Variants in NMRAL1 observed in about 807,000 individuals in gnomAD.
NMRAL1 encodes NmrA like redox sensor 1, also known as nmrA-like family domain-containing protein 1.
NMRAL1 carries 32 observed loss-of-function variants against 27.5 expected under a neutral mutation model. The ratio of observed to expected loss-of-function variants is 1.16; its 90% CI spans 0.88 to 1.56. The LOEUF is 1.56. Ranked by LOEUF, NMRAL1 falls within the 40% of genes most tolerant of loss-of-function variation. NMRAL1 has a pLI of 0.00. For synonymous variants in NMRAL1, 166 were observed against 166.8 expected (o/e 1.00, Z 0.04); for missense variants, 420 against 392.0 (o/e 1.07, Z -0.60).
chr16:4,466,651 C>T (rs1567352237), intron 3 of NMRAL1: 3 of 527,276 alleles, frequency 5.7e-6, no homozygotes, highest in Admixed American at 6.4e-5. Flanking sequence ...GACGGGGGGG[C>T]AGGTCGGCTG....
intron 1 of NMRAL1, 94 bp from the exon 2 acceptor site, chr16:4,474,260 T>G (rs552428771): frequency 2.3e-6 from 2 of 877,638 alleles, no homozygotes; most frequent in South Asian, 1.6e-5. Context: ...ATCGAGTATG[T>G]GTCGAAGGGG....
chr16:4,468,991 A>G (rs1276689696), intron 3 of NMRAL1, among the ~76,000 whole-genome samples: 1 of 151,488 alleles, frequency 6.6e-6, no homozygotes, highest in Admixed American at 6.6e-5. Context: ...AAAAAAACAA[A>G]CGAACAGGCC....
upstream of NMRAL1, among the ~76,000 whole-genome samples, chr16:4,475,625 ATTTC>A (rs375272795): frequency 2.8e-3 from 428 of 151,796 alleles, 6 homozygotes; most frequent in African/African-American, 9.8e-3. Flanking sequence ...GATTTCAGTA[ATTTC>A]TTTGTGTTCA....
intron 2 of NMRAL1, among the ~76,000 whole-genome samples, chr16:4,470,407 T>C (rs1042327872): frequency 6.6e-6 from 1 of 151,690 alleles, no homozygotes; most frequent in African/African-American, 2.4e-5. Context: ...GAGGCAGAGG[T>C]TGCGGTGAGC....
At chr16:4,464,464 G>A (rs548900072) in intron 4 of NMRAL1, among the ~76,000 whole-genome samples, 114 of 152,258 alleles carry the variant, frequency 7.5e-4, no homozygotes, top group African/African-American at 2.6e-3. Flanking sequence ...GGGGAGGCTG[G>A]CAACTGTCTG....
chr16:4,464,710 G>T (rs1455389956), intron 4 of NMRAL1, among the ~76,000 whole-genome samples: 1 of 151,322 alleles, frequency 6.6e-6, no homozygotes, highest in Non-Finnish European at 1.5e-5. Context: ...CACCTCCCGG[G>T]TTCACACCAT....
intron 5 of NMRAL1, among the ~76,000 whole-genome samples, chr16:4,462,281 C>T (rs1261547995): frequency 1.3e-5 from 2 of 152,096 alleles, no homozygotes; most frequent in East Asian, 3.9e-4. Flanking sequence ...GAGTTCGAGA[C>T]CAGCGTGGCC....
rs1206718411 is a variant in NMRAL1, at chr16:4,463,893, ACAGGGG to A, written c.530-49_530-44del. 6 of 1,566,312 alleles carry A rather than the reference ACAGGGG, an allele frequency of 3.8e-6. No individual in the cohort carries two copies. The Admixed American group carries it at 1.0e-4, about 27-fold the overall frequency. On this transcript the variant is annotated intron_variant, in intron 4 of 5. Transcript: ENST00000283429. ...GAGCTGGTATATGTCCCGAGGGCAG[ACAGGGG>A]CAGGGACAGAGCCCCTCTCCAAAGG...
Position 4,469,236 on chromosome 16 carries a change from C to T in NMRAL1, c.270G>A (p.Glu90=). 2 of 1,613,244 alleles carry T rather than the reference C, an allele frequency of 1.2e-6. No homozygotes were observed. Among genetic ancestry groups the T allele is most frequent in the South Asian group, 1.1e-5 (1 of 91,070 alleles). ...NYWESCSQEQ[E]VKQGKLLADL... Reference sequence around the variant, plus strand: ...TCCTGCCTGCCCTCACCTGCTTGACCTCCTGCTCCTGGCTGCAGCTCTCCC... The same window carrying T: ...TCCTGCCTGCCCTCACCTGCTTGACTTCCTGCTCCTGGCTGCAGCTCTCCC... The change falls in exon 3 of 6, where the codon GAG becomes GAA. Residue 90 remains glutamate, a synonymous_variant. Transcript: ENST00000283429.
chr16:4,473,500 C>T (rs754211882), intron 2 of NMRAL1, among the ~76,000 whole-genome samples: 4 of 152,088 alleles, frequency 2.6e-5, no homozygotes, highest in Non-Finnish European at 4.4e-5. Flanking sequence ...ATGTTATCTA[C>T]TCTGGCAGGA....
chr16:4,461,742 T>G lies in NMRAL1; in HGVS notation c.*38A>C, dbSNP rs200534634. The G allele has an allele frequency of 6.4e-7, 1 of 1,555,050 alleles. No homozygotes were observed. The highest frequency in any genetic ancestry group is 8.7e-7 in the Non-Finnish European group (1 of 1,149,412). On this transcript the variant is annotated 3_prime_UTR_variant, in exon 6 of 6. Transcript: ENST00000283429. ...GATGTTGGTGCCTCTGCCCCTCTGG[T>G]GCCCCCGATCCCCACAAGGGGCCGC... is the stretch of plus-strand genomic sequence containing the variant.
At chr16:4,462,804 T>C (rs888321391) in intron 5 of NMRAL1, among the ~76,000 whole-genome samples, 2 of 151,876 alleles carry the variant, frequency 1.3e-5, no homozygotes, top group African/African-American at 4.8e-5. Flanking sequence ...ATTACAGGTG[T>C]GAGCTACCGC....
intron 3 of NMRAL1, among the ~76,000 whole-genome samples, chr16:4,467,706 G>A (rs375595952): frequency 2.2e-5 from 3 of 138,596 alleles, no homozygotes; most frequent in Admixed American, 7.4e-5. Flanking sequence ...TGCAACCTCC[G>A]CCTCTTGGGT....
chr16:4,462,653 C>T (rs556902413), intron 5 of NMRAL1, among the ~76,000 whole-genome samples: 14 of 152,098 alleles, frequency 9.2e-5, no homozygotes, highest in African/African-American at 3.4e-4. Flanking sequence ...GTGGGAGGAT[C>T]GCTTGAGCCC....
chr16:4,464,887 A>G (rs2057257772), intron 4 of NMRAL1, among the ~76,000 whole-genome samples: 1 of 150,478 alleles, frequency 6.6e-6, no homozygotes, highest in Non-Finnish European at 1.5e-5. Context: ...AAGTGCTGGG[A>G]TTACAGGCGT....
At chr16:4,473,402 C>A (rs2057675017) in intron 2 of NMRAL1, among the ~76,000 whole-genome samples, 1 of 151,896 alleles carries the variant, frequency 6.6e-6, no homozygotes, top group Non-Finnish European at 1.5e-5. Flanking sequence ...TGAATTATAT[C>A]TCAATAAAGC....
At chr16:4,469,203 C>A (rs2057450990) in intron 3 of NMRAL1, 24 bp downstream of exon 3, 1 of 1,561,862 alleles carries the variant, frequency 6.4e-7, no homozygotes, top group Non-Finnish European at 8.8e-7. Flanking sequence ...GCCGGGCCTC[C>A]CTGCAGCTCC....
In NMRAL1 at chr16:4,469,408, C is replaced by T. The variant is rs759970638; in HGVS notation, c.98G>A (p.Arg33Gln). ...CTTCCTAGGGTTTCGGGTCACCACT[C>T]GAACCTTGAATGTCCCATCTTCCAG... ...TLLEDGTFKVRVVTRNPRKKA... is the reference protein window; with the variant it reads ...TLLEDGTFKVQVVTRNPRKKA... The change falls in exon 3 of 6, where the codon CGA (arginine) becomes CAA (glutamine). Residue 33 changes from arginine (R) to glutamine (Q), a missense_variant. Coordinates refer to ENST00000283429, the MANE Select transcript of NMRAL1 (RefSeq NM_020677.6). 5.4e-5 allele frequency: 87 copies of T among 1,614,126 alleles called. 1 individual carries two copies. In the East Asian group the frequency reaches 1.6e-3, roughly 30 times the overall value.
At chr16:4,469,960 C>T (rs2057490914) in intron 2 of NMRAL1, among the ~76,000 whole-genome samples, 1 of 150,944 alleles carries the variant, frequency 6.6e-6, no homozygotes, top group East Asian at 2.0e-4. Context: ...GTAAGGAGAC[C>T]GAGACCATCC....
Sources: allele counts gnomAD v4.1 joint callset (sites outside exome capture counted in the v4.1 genomes callset), GRCh38; gene constraint gnomAD v4.1.1; transcripts MANE v1.5; gene names NCBI Gene and HGNC (gene_info 2026-07-23, HGNC 2026-07-21).